PTPRD: variants seen among roughly 807,000 people sequenced by gnomAD.
PTPRD encodes the protein protein tyrosine phosphatase receptor type D.
PTPRD carries 34 observed loss-of-function variants against 214.5 expected under a neutral mutation model. The ratio of observed to expected loss-of-function variants is 0.16; its 90% CI spans 0.12 to 0.21. PTPRD has a LOEUF of 0.21. Among genes scored for constraint, PTPRD ranks in the 10% least tolerant of loss-of-function variants. The pLI, the probability that PTPRD is intolerant of heterozygous loss-of-function variation, is 1.00. For synonymous variants in PTPRD, 1,128 were observed against 845.7 expected, an observed-to-expected ratio of 1.33 and a Z score of -5.79; for missense variants, 2,545 against 2,398.7, an observed-to-expected ratio of 1.06 and a Z score of -1.27.
In PTPRD at chr9:9,616,262, C is replaced by CA. The variant is rs537913238; in HGVS notation, c.-286-41482_-286-41481insT. Among the ~76,000 whole-genome samples, 948 of 152,230 alleles carry CA rather than the reference C, an allele frequency of 6.2e-3. 9 individuals are homozygous for CA. Among genetic ancestry groups the CA allele is most frequent in the African/African-American group, 0.022 (912 of 41,554 alleles). On this transcript the variant is annotated intron_variant, in intron 7 of 45. Transcript: ENST00000381196. ...ATCCCAAGTAATACAGTGACACCCCCCAAAATTATTTTTTGTTTACCTAAA... is the reference window on the plus strand; with the variant it reads ...ATCCCAAGTAATACAGTGACACCCCCACAAAATTATTTTTTGTTTACCTAAA...
intron 10 of PTPRD, among the ~76,000 whole-genome samples, chr9:9,162,522 T>C (rs1454119789): frequency 1.3e-5 from 2 of 152,044 alleles, no homozygotes; most frequent in African/African-American, 2.4e-5. Flanking sequence ...ATCTACATAA[T>C]TGATCTACCA....
chr9:9,395,920 A>C (rs187104767), intron 9 of PTPRD, among the ~76,000 whole-genome samples: 1 of 152,208 alleles, frequency 6.6e-6, no homozygotes, highest in Non-Finnish European at 1.5e-5. Context: ...TTGCAAAGTG[A>C]TATGATTGCC....
intron 7 of PTPRD, among the ~76,000 whole-genome samples, chr9:9,577,056 A>G (rs1214607638): frequency 6.6e-6 from 1 of 152,198 alleles, no homozygotes; most frequent in Non-Finnish European, 1.5e-5. Context: ...TATGTTGGGT[A>G]TGTAGATTGT....
intron 9 of PTPRD, among the ~76,000 whole-genome samples, chr9:9,336,694 A>G (rs2044630073): frequency 6.6e-6 from 1 of 152,204 alleles, no homozygotes; most frequent in Non-Finnish European, 1.5e-5. Flanking sequence ...AATATCTATG[A>G]GATATATTAT....
intron 3 of PTPRD, among the ~76,000 whole-genome samples, chr9:10,244,282 A>T (rs1301969307): frequency 6.6e-6 from 1 of 152,080 alleles, no homozygotes; most frequent in African/African-American, 2.4e-5. Context: ...GTTTCAATGC[A>T]TCCTCATTAA....
chr9:9,004,450 G>A (rs190524220), intron 11 of PTPRD, among the ~76,000 whole-genome samples: 6 of 151,726 alleles, frequency 4.0e-5, no homozygotes, highest in East Asian at 1.9e-4. Context: ...TCTGGAATTC[G>A]AAAATTTTGG....
chr9:8,385,989 G>C (rs944909473), intron 37 of PTPRD, among the ~76,000 whole-genome samples: 1 of 152,280 alleles, frequency 6.6e-6, no homozygotes, highest in East Asian at 1.9e-4. Flanking sequence ...AACACAGAGT[G>C]AATTATTTGG....
chr9:10,568,714 G>C (rs1045801860), intron 2 of PTPRD, among the ~76,000 whole-genome samples: 1 of 152,120 alleles, frequency 6.6e-6, no homozygotes, highest in Non-Finnish European at 1.5e-5. Context: ...AAACTGGCTA[G>C]CCATATGTAG....
intron 11 of PTPRD, among the ~76,000 whole-genome samples, chr9:9,011,889 A>C (rs935019722): frequency 5.9e-5 from 9 of 152,112 alleles, no homozygotes; most frequent in African/African-American, 2.2e-4. Context: ...CAGATTGTAT[A>C]ATCCTGTCCC....
chr9:8,983,915 A>G (rs904360852), intron 11 of PTPRD, among the ~76,000 whole-genome samples: 7 of 152,094 alleles, frequency 4.6e-5, no homozygotes, highest in African/African-American at 1.7e-4. Flanking sequence ...ATTAATTCAT[A>G]TTTTTAGTAA....
intron 7 of PTPRD, among the ~76,000 whole-genome samples, chr9:9,606,314 A>G (rs756912948): frequency 5.3e-5 from 8 of 152,110 alleles, no homozygotes; most frequent in Non-Finnish European, 8.8e-5. Flanking sequence ...AAAGCATATT[A>G]TCATTTTCTG....
chr9:10,449,025 G>A (rs924608906), intron 2 of PTPRD, among the ~76,000 whole-genome samples: 5 of 151,864 alleles, frequency 3.3e-5, no homozygotes, highest in African/African-American at 1.2e-4. Context: ...AGAACTTAAA[G>A]TATAATAAAA....
intron 10 of PTPRD, among the ~76,000 whole-genome samples, chr9:9,060,551 C>A (rs1317854274): frequency 6.6e-6 from 1 of 151,516 alleles, no homozygotes; most frequent in African/African-American, 2.4e-5. Context: ...ATGAAAGAAA[C>A]TAGGAAAGAC....
chr9:8,404,876 A>G (rs2092809296), intron 35 of PTPRD, among the ~76,000 whole-genome samples: 1 of 150,958 alleles, frequency 6.6e-6, no homozygotes, highest in African/African-American at 2.4e-5. Flanking sequence ...ACATTGATTC[A>G]AATGAAAAAA....
intron 5 of PTPRD, among the ~76,000 whole-genome samples, chr9:9,910,813 A>G (rs73402609): frequency 0.02 from 2,993 of 152,090 alleles, 91 homozygotes; most frequent in African/African-American, 0.068. Flanking sequence ...TGAGACTCCT[A>G]ATGGACTGAA....
intron 35 of PTPRD, among the ~76,000 whole-genome samples, chr9:8,434,587 C>G (rs184678653): frequency 6.6e-6 from 1 of 151,958 alleles, no homozygotes; most frequent in Non-Finnish European, 1.5e-5. Context: ...ACTAACAGGT[C>G]GAGCTATCAT....
chr9:10,273,675 A>T (rs911019653), intron 3 of PTPRD, among the ~76,000 whole-genome samples: 3 of 152,144 alleles, frequency 2.0e-5, no homozygotes, highest in African/African-American at 7.2e-5. Flanking sequence ...TCAAAGAACC[A>T]CTAAGAAGGG....
intron 3 of PTPRD, among the ~76,000 whole-genome samples, chr9:10,231,290 T>A (rs552002402): frequency 6.7e-6 from 1 of 149,472 alleles, no homozygotes; most frequent in Admixed American, 6.7e-5. Context: ...TGATAGCACA[T>A]GGAATAGAGA....
chr9:9,188,899 T>C (rs1008706036), intron 9 of PTPRD, among the ~76,000 whole-genome samples: 1 of 151,610 alleles, frequency 6.6e-6, no homozygotes, highest in Non-Finnish European at 1.5e-5. Flanking sequence ...AACCAACACA[T>C]AAAGTGGAAA....
Sources: allele counts gnomAD v4.1 joint callset (sites outside exome capture counted in the v4.1 genomes callset), GRCh38; gene constraint gnomAD v4.1.1; transcripts MANE v1.5; gene names NCBI Gene and HGNC (gene_info 2026-07-23, HGNC 2026-07-21).